Variants in FUBP3 observed in about 807,000 individuals in gnomAD.
FUBP3 encodes the protein far upstream element binding protein 3, also known as far upstream element-binding protein 3.
FUBP3 carries 28 observed loss-of-function variants against 85.6 expected under a neutral mutation model. The observed-to-expected ratio is 0.33, with a 90% CI of 0.24 to 0.45. The LOEUF is 0.45. Ranked by LOEUF, FUBP3 falls within the 20% of genes least tolerant of loss-of-function variation. The pLI is 1.00. For synonymous variants in FUBP3, 271 were observed against 271.4 expected (o/e 1.00, Z 0.01); for missense variants, 583 against 755.1 (o/e 0.77, Z 2.67).
rs1156360807 is a variant in FUBP3 at position 130,622,773 on chromosome 9, C to A, written c.837C>A (p.Ile279=). 3 of 1,595,856 alleles carry A rather than the reference C, an allele frequency of 1.9e-6. No homozygotes were observed. Among genetic ancestry groups the A allele is most frequent in the South Asian group, 1.1e-5 (1 of 89,752 alleles). ...IGRNGEMIKK[I]QNDAGVRIQF... ...GAAACGGGGAAATGATCAAAAAGAT[C>A]CAGAATGATGCTGGTGTGAGGATTC... The change falls in exon 10 of 19, where the codon ATC becomes ATA. Residue 279 remains isoleucine, a synonymous_variant. Coordinates refer to ENST00000319725, the MANE Select transcript of FUBP3 (RefSeq NM_003934.2).
chr9:130,597,815 T>C (rs1337463446), intron 2 of FUBP3, among the ~76,000 whole-genome samples: 2 of 152,244 alleles, frequency 1.3e-5, no homozygotes, highest in African/African-American at 4.8e-5. Flanking sequence ...TAATACAGAA[T>C]GTAAGAAGCC....
chr9:130,627,848 C>G (rs1243215692), intron 12 of FUBP3, among the ~76,000 whole-genome samples: 10 of 152,214 alleles, frequency 6.6e-5, no homozygotes, highest in Admixed American at 6.5e-4. Context: ...TAAACCCTGA[C>G]TGAGCATTGT....
chr9:130,597,266 A>G (rs1461856948), intron 2 of FUBP3, among the ~76,000 whole-genome samples: 1 of 152,156 alleles, frequency 6.6e-6, no homozygotes, highest in African/African-American at 2.4e-5. Flanking sequence ...AAGTGTTTTT[A>G]AATAGACCCA....
chr9:130,620,503 AAGTTGT>A (rs1487424665), intron 9 of FUBP3, 45 bp downstream of exon 9: 1 of 923,400 alleles, frequency 1.1e-6, no homozygotes, highest in Non-Finnish European at 1.7e-6. Flanking sequence ...ATGAGGACTA[AAGTTGT>A]AGGTCACACT....
At chr9:130,594,388 G>A (rs1182661013) in intron 1 of FUBP3, among the ~76,000 whole-genome samples, 1 of 152,038 alleles carries the variant, frequency 6.6e-6, no homozygotes, top group African/African-American at 2.4e-5. Flanking sequence ...TTCGAGACCA[G>A]CCTGGCCAAC....
intron 1 of FUBP3, among the ~76,000 whole-genome samples, chr9:130,587,588 C>G (rs1830408304): frequency 6.6e-6 from 1 of 152,168 alleles, no homozygotes; most frequent in African/African-American, 2.4e-5. Flanking sequence ...CTTCTCTGTG[C>G]CAAGCATTTT....
rs945917813 is a variant in FUBP3, at chr9:130,582,198, C to G, written c.84+2434C>G. On this transcript the variant is annotated intron_variant, in intron 1 of 18. Transcript: ENST00000319725. ...AGTCACAGTGGCTCATGCTTGTAATCTCAGCACTTTGGGAGGCTGAGGTAG... is the reference window on the plus strand; with the variant it reads ...AGTCACAGTGGCTCATGCTTGTAATGTCAGCACTTTGGGAGGCTGAGGTAG... The G allele has an allele frequency of 2.6e-5, 4 of 152,078 alleles. No homozygotes were observed. In the East Asian group the frequency reaches 5.8e-4, roughly 22 times the overall value. 9.4% of individuals were successfully genotyped at this position (152,078 alleles called of 1,614,324 possible).
At chr9:130,598,440 A>G (rs187223044) in intron 2 of FUBP3, among the ~76,000 whole-genome samples, 3 of 152,336 alleles carry the variant, frequency 2.0e-5, no homozygotes, top group Non-Finnish European at 4.4e-5. Context: ...CACTGGGCCA[A>G]AGAGACACTG....
intron 3 of FUBP3, among the ~76,000 whole-genome samples, chr9:130,610,767 A>G (rs1034376636): frequency 1.3e-5 from 2 of 152,174 alleles, no homozygotes; most frequent in Non-Finnish European, 2.9e-5. Context: ...TATTCTGCCT[A>G]GGTGTTTGGG....
At chr9:130,626,529 A>G in intron 12 of FUBP3, 24 bp downstream of exon 12, 1 of 1,611,508 alleles carries the variant, frequency 6.2e-7, no homozygotes. Context: ...GGGGTTTCAC[A>G]TCCCCCCTCA....
At chr9:130,591,997 C>T (rs748837855) in intron 1 of FUBP3, among the ~76,000 whole-genome samples, 16 of 152,078 alleles carry the variant, frequency 1.1e-4, no homozygotes, top group Non-Finnish European at 1.9e-4. Context: ...TTTGGGAGGC[C>T]GAAGCAGGTG....
At chr9:130,588,650 C>T (rs1830453342) in intron 1 of FUBP3, among the ~76,000 whole-genome samples, 2 of 152,146 alleles carry the variant, frequency 1.3e-5, no homozygotes, top group South Asian at 2.1e-4. Flanking sequence ...CCAAGTCCCA[C>T]GGTAAGGAGA....
chr9:130,632,804 G>A (rs549693216), intron 16 of FUBP3, among the ~76,000 whole-genome samples: 2 of 152,350 alleles, frequency 1.3e-5, no homozygotes, highest in African/African-American at 2.4e-5. Flanking sequence ...GAAAGTCCTG[G>A]TGGGAATCAA....
chr9:130,631,699 G>A, intron 14 of FUBP3, 69 bp downstream of exon 14: 1 of 1,286,904 alleles, frequency 7.8e-7, no homozygotes, highest in Admixed American at 1.8e-5. Context: ...GTCGTTTCCA[G>A]CTACTTCTAG....
chr9:130,589,606 A>C (rs544311723), intron 1 of FUBP3, among the ~76,000 whole-genome samples: 1 of 148,494 alleles, frequency 6.7e-6, no homozygotes, highest in African/African-American at 2.5e-5. Flanking sequence ...GGCCTCCCAA[A>C]GTGCTGGGAT....
rs758448328 is a variant in FUBP3 at position 130,626,319 on chromosome 9, G to T, written c.976-45G>T. On this transcript the variant is annotated intron_variant, in intron 11 of 18. Coordinates refer to ENST00000319725, the MANE Select transcript of FUBP3 (RefSeq NM_003934.2). ...CCCTGGAAAAGAGAGGAGCAGTGGT[G>T]CTGTGGCAGTGGCAGAGGTCGCTAC... 17 of 1,581,536 alleles carry T rather than the reference G, an allele frequency of 1.1e-5. No homozygotes were observed. In the East Asian group the frequency reaches 3.7e-4, roughly 34 times the overall value.
intron 6 of FUBP3, among the ~76,000 whole-genome samples, 160 bp downstream of exon 6, chr9:130,614,505 C>T (rs1341288275): frequency 6.6e-6 from 1 of 152,186 alleles, no homozygotes; most frequent in Non-Finnish European, 1.5e-5. Flanking sequence ...GGTTACTGTG[C>T]CAGGGGTTTT....
intron 11 of FUBP3, among the ~76,000 whole-genome samples, chr9:130,625,542 G>C (rs1042491577): frequency 2.0e-5 from 3 of 152,234 alleles, no homozygotes; most frequent in African/African-American, 7.2e-5. Context: ...CTCTTAGCTT[G>C]ACCAGGTTCA....
intron 1 of FUBP3, among the ~76,000 whole-genome samples, chr9:130,582,839 A>T (rs1830190408): frequency 6.6e-6 from 1 of 152,248 alleles, no homozygotes; most frequent in Non-Finnish European, 1.5e-5. Context: ...GTGATGCCAC[A>T]GTGCATTATA....
Sources: gnomAD v4.1 joint callset for allele counts (sites outside exome capture counted in the v4.1 genomes callset) on GRCh38, gnomAD v4.1.1 for gene constraint, MANE v1.5 for transcripts, NCBI Gene and HGNC (gene_info 2026-07-23, HGNC 2026-07-21) for gene names.